WDR87: variants seen among roughly 807,000 people sequenced by gnomAD.
The protein encoded by WDR87 is WD repeat domain 87, also known as WD repeat-containing protein 87.
A neutral mutation model predicts 83.3 loss-of-function variants in WDR87; 56 were observed. That is an observed-to-expected ratio of 0.67 (90% CI 0.54 to 0.84). The LOEUF (loss-of-function observed/expected upper bound fraction) is 0.84. WDR87 is among the 40% of genes least tolerant of loss of function. The probability of loss-of-function intolerance (pLI) is 0.00; values close to 1 mark genes in which losing one functional copy is unlikely to be tolerated. For missense variants in WDR87, 2,939 were observed against 3,431.9 expected (o/e 0.86, Z 3.59); for synonymous variants, 1,173 against 1,250.6 (o/e 0.94, Z 1.31).
intron 1 of WDR87, among the ~76,000 whole-genome samples, chr19:37,900,962 CAAAAAAAAAAAA>C (rs878938966): frequency 0.097 from 2,854 of 29,530 alleles, 132 homozygotes; most frequent in African/African-American, 0.24. Context: ...CCTGTCTCTA[CAAAAAAAAAAAA>C]AAAAAAAAAA....
Position 37,886,490 on chromosome 19 carries a change from T to C in WDR87, c.7181A>G (p.Gln2394Arg), listed in dbSNP as rs1276774146. ...KKEKQFKLQE[Q>R]RRKSLRGRER... is the part of the protein sequence containing the mutation. The stretch of plus-strand genomic sequence containing the variant: ...CCTTCCTCTTAGGCTCTTTCTTCTT[T>C]GTTCTTGTAACTTAAATTGTTTTTC... The change falls in exon 6 of 6, where the codon CAA becomes CGA. Residue 2394 changes from glutamine to arginine, a missense_variant. Coordinates refer to ENST00000447313, the MANE Select transcript of WDR87 (RefSeq NM_001291088.2). 6.6e-7 allele frequency: 1 copy of C among 1,513,832 alleles called. No homozygotes were observed. Among genetic ancestry groups the C allele is most frequent in the South Asian group, 1.3e-5 (1 of 76,038 alleles). 93.8% of individuals were successfully genotyped at this position (1,513,832 alleles called of 1,614,324 possible).
chr19:37,889,130 C>T lies in WDR87; in HGVS notation c.4541G>A (p.Arg1514Lys), dbSNP rs2046179704. 1.3e-6 allele frequency: 2 copies of T among 1,552,230 alleles called. No individual in the cohort carries two copies. Among genetic ancestry groups the T allele is most frequent in the East Asian group, 4.9e-5 (2 of 40,900 alleles). ...TTCCTTCCATGCCTTCCAGGATTTC[C>T]TTGTCTCACCATGGACCTGTTTCCA... ...DEWKQVHGETRKSWKAWKEEW... is the reference protein window; with the variant it reads ...DEWKQVHGETKKSWKAWKEEW... Residue 1514 changes from arginine to lysine, a missense_variant, in exon 6 of 6, where the codon AGG becomes AAG. Transcript: ENST00000447313.
intron 1 of WDR87, 75 bp from the exon 2 acceptor site, chr19:37,898,360 T>C (rs978707293): frequency 1.4e-5 from 20 of 1,472,140 alleles, no homozygotes; most frequent in African/African-American, 1.1e-4. Flanking sequence ...GCAACAACAA[T>C]GAACTCATGT....
In WDR87 at chr19:37,896,321, G is replaced by A. The variant is rs146982470; in HGVS notation, c.76-13C>T. Reference sequence around the variant, plus strand: ...CTTCCGAAGGTTGCTGGAGAGAGGCGTGGCATAAACTAAGAGGCCAGGGCA... The same window carrying A: ...CTTCCGAAGGTTGCTGGAGAGAGGCATGGCATAAACTAAGAGGCCAGGGCA... On this transcript the variant is annotated splice_polypyrimidine_tract_variant and intron_variant, in intron 2 of 5. Coordinates refer to ENST00000447313, the MANE Select transcript of WDR87 (RefSeq NM_001291088.2). 5.1e-4 allele frequency: 794 copies of A among 1,550,622 alleles called. 3 individuals are homozygous for A. Among genetic ancestry groups the A allele is most frequent in the Admixed American group, 5.1e-3 (260 of 50,890 alleles).
At chr19:37,904,422 G>A (rs555841719) in intron 1 of WDR87, among the ~76,000 whole-genome samples, 4 of 150,608 alleles carry the variant, frequency 2.7e-5, no homozygotes, top group Admixed American at 2.0e-4. Context: ...GCAGTGGCGC[G>A]ATCTTGGCTC....
chr19:37,899,314 G>A (rs2145440820), intron 1 of WDR87, among the ~76,000 whole-genome samples: 1 of 147,742 alleles, frequency 6.8e-6, no homozygotes, highest in East Asian at 2.0e-4. Flanking sequence ...AGCTACTCTG[G>A]AGGCTGAGGC....
At chr19:37,905,747 G>A (rs983816880) in intron 1 of WDR87, among the ~76,000 whole-genome samples, 1 of 151,938 alleles carries the variant, frequency 6.6e-6, no homozygotes, top group Non-Finnish European at 1.5e-5. Context: ...TAGAGATAGG[G>A]TCTTGCTATG....
At chr19:37,891,444 G>A in intron 5 of WDR87, 108 bp downstream of exon 5, 5 of 1,375,950 alleles carry the variant, frequency 3.6e-6, no homozygotes, top group Non-Finnish European at 4.9e-6. Context: ...TTACAGGCAT[G>A]AGCCATCATG....
Position 37,887,881 on chromosome 19 carries a change from T to C in WDR87, c.5790A>G (p.Val1930=), listed in dbSNP as rs1202176699. 2.6e-6 allele frequency: 4 copies of C among 1,551,582 alleles called. No homozygotes were observed. In the Admixed American group the frequency reaches 5.9e-5, roughly 23 times the overall value. Residue 1930 remains valine (V), a synonymous_variant, in exon 6 of 6, where the codon GTA becomes GTG. Coordinates refer to ENST00000447313, the MANE Select transcript of WDR87 (RefSeq NM_001291088.2). ...CCTTTTCCTGTGTCAGCTTCTCCTC[T>C]ACCTGAGCCAGTATCTTGTTGAACA... The part of the protein sequence containing the change: ...LGMFNKILAQ[V]EEKLTQEKET...
intron 1 of WDR87, among the ~76,000 whole-genome samples, chr19:37,905,163 CA>C (rs2145448353): frequency 6.8e-6 from 1 of 147,420 alleles, no homozygotes; most frequent in South Asian, 2.1e-4. Flanking sequence ...ACCAGGGAGT[CA>C]GAGGTTGCAG....
Position 37,886,690 on chromosome 19 carries a change from CT to C in WDR87, c.6980del (p.Lys2327ArgfsTer26). On this transcript the variant is annotated frameshift_variant, in exon 6 of 6. Transcript: ENST00000447313. LOFTEE classifies it low-confidence loss of function (END_TRUNC). ...KQVEKEEEEK[K>X]KKKKEKKKEE... is the part of the protein sequence containing the mutation. ...CCTTCTTCTTTTCCTTTTTCTTCTT[CT>C]TCTTCTCCTCCTCTTCTTTCTCCAC... 1 of 1,458,940 alleles carries C rather than the reference CT, an allele frequency of 6.9e-7. No homozygotes were observed. 90.4% of individuals were successfully genotyped at this position (1,458,940 alleles called of 1,614,324 possible).
chr19:37,898,289 T>G lies in WDR87; in HGVS notation c.-46-4A>C. 1 of 1,538,942 alleles carries G rather than the reference T, an allele frequency of 6.5e-7. No individual in the cohort carries two copies. Among genetic ancestry groups the G allele is most frequent in the Non-Finnish European group, 8.8e-7 (1 of 1,142,354 alleles). On this transcript the variant is annotated splice_region_variant and splice_polypyrimidine_tract_variant and intron_variant, in intron 1 of 5. Coordinates refer to ENST00000447313, the MANE Select transcript of WDR87 (RefSeq NM_001291088.2). ...CTGAGGACTGTTGCTTAAAAACCTG[T>G]GGGAATCCAAAAGAGCCCAGCTTAG...
At chr19:37,904,224 A>C (rs1019730743) in intron 1 of WDR87, among the ~76,000 whole-genome samples, 3 of 151,834 alleles carry the variant, frequency 2.0e-5, no homozygotes, top group African/African-American at 7.3e-5. Flanking sequence ...TTAAAAACGG[A>C]CATGGTAAAA....
At position 37,896,133 on chromosome 19, in the gene WDR87, C is replaced by T. The variant is rs1267919839; in HGVS notation, c.246+5G>A. 1 of 1,552,110 alleles carries T rather than the reference C, an allele frequency of 6.4e-7. No homozygotes were observed. Among genetic ancestry groups the T allele is most frequent in the South Asian group, 1.2e-5 (1 of 84,042 alleles). On this transcript the variant is annotated splice_donor_5th_base_variant and intron_variant, in intron 3 of 5. Transcript: ENST00000447313. ...GGCCAAGAAGGGTAAGAAAGGCAGT[C>T]TTACTTGTATTTCTTTTGTGTTTGA...
intron 1 of WDR87, among the ~76,000 whole-genome samples, chr19:37,899,135 T>C (rs1568456527): frequency 6.6e-6 from 1 of 152,110 alleles, no homozygotes; most frequent in Non-Finnish European, 1.5e-5. Flanking sequence ...AGATAGGGTT[T>C]TGGCTGGGCA....
Position 37,900,962 on chromosome 19 carries a change from CAAAAAAA to C in WDR87, c.-46-2684_-46-2678del, listed in dbSNP as rs878938966. 5.7e-3 allele frequency among the ~76,000 whole-genome samples: 167 copies of C among 29,504 alleles called. 1 individual carries two copies. The highest frequency in any genetic ancestry group is 0.024 in the Middle Eastern group (1 of 42). The allele number at this position is 29,504 out of a possible 152,430, so 19.4% of individuals were successfully genotyped here. ...GCAACATAGTGGGACCCTGTCTCTA[CAAAAAAA>C]AAAAAAAAAAAAAAAAAAAATTAGC... On this transcript the variant is annotated intron_variant, in intron 1 of 5. Transcript: ENST00000447313.
chr19:37,906,172 AT>A (rs2046326845), intron 1 of WDR87, among the ~76,000 whole-genome samples: 1 of 152,166 alleles, frequency 6.6e-6, no homozygotes, highest in Admixed American at 6.5e-5. Context: ...AGGAGTGGCA[AT>A]ATACCTTAAA....
In WDR87 at chr19:37,888,792, G is replaced by GT. The variant is rs759585037; in HGVS notation, c.4878dup (p.Arg1627ThrfsTer40). 143 of 1,550,836 alleles carry GT rather than the reference G, an allele frequency of 9.2e-5. No homozygotes were observed. Among genetic ancestry groups the GT allele is most frequent in the Admixed American group, 7.9e-4 (40 of 50,850 alleles). On this transcript the variant is annotated frameshift_variant, in exon 6 of 6. Transcript: ENST00000447313. LOFTEE classifies it low-confidence loss of function (END_TRUNC). Reference sequence around the variant, plus strand: ...GCTAATTTCCTCTCTTCTTGGGCTCGTTTTTTTTCAGCTCGGGCTCGTTTC... The same window carrying GT: ...GCTAATTTCCTCTCTTCTTGGGCTCGTTTTTTTTTCAGCTCGGGCTCGTTTC...
At chr19:37,902,243 C>T (rs1244104699) in intron 1 of WDR87, among the ~76,000 whole-genome samples, 1 of 151,898 alleles carries the variant, frequency 6.6e-6, no homozygotes, top group Non-Finnish European at 1.5e-5. Flanking sequence ...GAGACAGAGT[C>T]TCACTCTGTC....
Sources: gnomAD v4.1 joint callset for allele counts (sites outside exome capture counted in the v4.1 genomes callset) on GRCh38, gnomAD v4.1.1 for gene constraint, MANE v1.5 for transcripts, NCBI Gene and HGNC (gene_info 2026-07-23, HGNC 2026-07-21) for gene names.